Variants in CSMD1 observed in about 807,000 individuals in gnomAD.
CSMD1 encodes the protein CUB and sushi domain-containing protein 1.
In CSMD1, 213 loss-of-function variants were observed where a neutral mutation model predicts 417.5. The observed-to-expected ratio is 0.51, with a 90% confidence interval of 0.46 to 0.57. The LOEUF is 0.57. Among genes scored for constraint, CSMD1 ranks in the 20% least tolerant of loss-of-function variants. CSMD1 has a pLI of 0.00. For synonymous variants in CSMD1, 2,862 were observed against 1,736.8 expected (o/e 1.65, Z -16.11); for missense variants, 6,923 against 4,529.7 (o/e 1.53, Z -15.17).
chr8:4,199,470 A>C (rs1037887667), intron 3 of CSMD1, among the ~76,000 whole-genome samples: 2 of 152,194 alleles, frequency 1.3e-5, no homozygotes, highest in Non-Finnish European at 2.9e-5. Flanking sequence ...AGAAACTCCA[A>C]TTAAAAAGGC....
At chr8:4,253,914 T>C (rs1803259705) in intron 3 of CSMD1, among the ~76,000 whole-genome samples, 1 of 110,050 alleles carries the variant, frequency 9.1e-6, no homozygotes, top group African/African-American at 3.6e-5. Context: ...CATCTTTTTT[T>C]TTTTTTTTTT....
At chr8:3,507,012 A>T (rs1487253418) in intron 10 of CSMD1, among the ~76,000 whole-genome samples, 1 of 152,180 alleles carries the variant, frequency 6.6e-6, no homozygotes, top group Admixed American at 6.5e-5. Flanking sequence ...TTCATACAAG[A>T]TGTTGTAAGA....
intron 2 of CSMD1, among the ~76,000 whole-genome samples, chr8:4,549,675 G>C (rs563933515): frequency 6.6e-6 from 1 of 152,100 alleles, no homozygotes; most frequent in East Asian, 1.9e-4. Context: ...GATCACTTGA[G>C]TTCAGGAGTT....
chr8:3,805,557 G>C (rs911707091), intron 5 of CSMD1, among the ~76,000 whole-genome samples: 1 of 152,078 alleles, frequency 6.6e-6, no homozygotes, highest in Non-Finnish European at 1.5e-5. Context: ...TTTTTTGTTT[G>C]TTTGCAAGAA....
At chr8:3,262,429 C>T (rs1801148038) in intron 26 of CSMD1, among the ~76,000 whole-genome samples, 2 of 150,786 alleles carry the variant, frequency 1.3e-5, no homozygotes, top group African/African-American at 2.4e-5. Flanking sequence ...GGATAATGAC[C>T]ATTCTCTTGG....
intron 5 of CSMD1, among the ~76,000 whole-genome samples, chr8:3,983,053 G>A (rs1020748634): frequency 2.0e-5 from 3 of 151,984 alleles, no homozygotes; most frequent in Non-Finnish European, 4.4e-5. Flanking sequence ...CCCAATCCAA[G>A]TTGGCTGACT....
In CSMD1 at chr8:3,219,404, T is replaced by C. The variant is rs1161740501; in HGVS notation, c.4523A>G (p.Tyr1508Cys). 4.5e-6 allele frequency: 7 copies of C among 1,552,056 alleles called. No individual in the cohort carries two copies. Among genetic ancestry groups the C allele is most frequent in the Non-Finnish European group, 5.2e-6 (6 of 1,149,304 alleles). Residue 1508 changes from tyrosine (Y) to cysteine (C), a missense_variant, in exon 29 of 70, where the codon TAT becomes TGT. Coordinates refer to ENST00000635120, the MANE Select transcript of CSMD1 (RefSeq NM_033225.6). ...GGGGCTGTTGGAATCTTCCCCTTCA[T>C]AGATGTGTAGGAAGTCATAGCTGGG... ...MEPSYDFLHIYEGEDSNSPLI... is the reference protein window; with the variant it reads ...MEPSYDFLHICEGEDSNSPLI...
intron 5 of CSMD1, among the ~76,000 whole-genome samples, chr8:3,953,842 G>T (rs774828971): frequency 6.6e-6 from 1 of 152,174 alleles, no homozygotes; most frequent in African/African-American, 2.4e-5. Context: ...AGTTCCTAGA[G>T]AGCCTAATGT....
At position 4,567,765 on chromosome 8, in the gene CSMD1, T is replaced by C. The variant is rs545822637; in HGVS notation, c.302+69577A>G. Among the ~76,000 whole-genome samples, 10 of 152,282 alleles carry C rather than the reference T, an allele frequency of 6.6e-5. No homozygotes were observed. The South Asian group carries it at 1.9e-3, about 28-fold the overall frequency. On this transcript the variant is annotated intron_variant, in intron 2 of 69. Coordinates refer to ENST00000635120, the MANE Select transcript of CSMD1 (RefSeq NM_033225.6). ...CTACATTGCACTTATATTAAACTATTGCTGGTCATAAAATTATCGTATACC... is the reference window on the plus strand; with the variant it reads ...CTACATTGCACTTATATTAAACTATCGCTGGTCATAAAATTATCGTATACC...
intron 2 of CSMD1, among the ~76,000 whole-genome samples, chr8:4,467,684 T>G (rs1198513548): frequency 6.6e-6 from 1 of 152,164 alleles, no homozygotes; most frequent in South Asian, 2.1e-4. Context: ...AAGGTGCAAA[T>G]AGGGTTGGAC....
intron 5 of CSMD1, among the ~76,000 whole-genome samples, chr8:3,967,589 G>C (rs1020219210): frequency 1.3e-5 from 2 of 152,054 alleles, no homozygotes; most frequent in Non-Finnish European, 2.9e-5. Context: ...TCTGTGTAGA[G>C]TCAGACGGTT....
At chr8:3,751,657 T>A in intron 6 of CSMD1, among the ~76,000 whole-genome samples, 1 of 151,916 alleles carries the variant, frequency 6.6e-6, no homozygotes, top group East Asian at 1.9e-4. Flanking sequence ...ACTTTTAAAA[T>A]CAACGTCTGA....
intron 1 of CSMD1, among the ~76,000 whole-genome samples, chr8:4,993,389 T>TCTGTCTGTCTCCCTCTTTCTCGCC (rs1811581594): frequency 6.6e-6 from 1 of 151,558 alleles, no homozygotes; most frequent in African/African-American, 2.4e-5. Flanking sequence ...TCTCTCTCTC[T>TCTGTCTGTCTCCCTCTTTCTCGCC]CTGTCTCTCT....
chr8:4,720,948 C>G (rs545522126), intron 1 of CSMD1, among the ~76,000 whole-genome samples: 5 of 152,114 alleles, frequency 3.3e-5, no homozygotes, highest in Admixed American at 1.3e-4. Flanking sequence ...TTCACCAGCT[C>G]TTAAGCTTGC....
Position 3,186,646 on chromosome 8 carries a change from C to T in CSMD1, c.5620+1223G>A, listed in dbSNP as rs147964440. 4.1e-3 allele frequency among the ~76,000 whole-genome samples: 629 copies of T among 152,036 alleles called. 3 individuals carry two copies. The highest frequency in any genetic ancestry group is 0.014 in the African/African-American group (582 of 41,428). On this transcript the variant is annotated intron_variant, in intron 36 of 69. Coordinates refer to ENST00000635120, the MANE Select transcript of CSMD1 (RefSeq NM_033225.6). ...TTTAACCTATTGAGTAAAAGTAGAACGGAAATATTTAGGGAAAAAATATCC... is the reference window on the plus strand; with the variant it reads ...TTTAACCTATTGAGTAAAAGTAGAATGGAAATATTTAGGGAAAAAATATCC...
chr8:4,743,203 T>C (rs975132346), intron 1 of CSMD1, among the ~76,000 whole-genome samples: 18 of 152,164 alleles, frequency 1.2e-4, no homozygotes, highest in Non-Finnish European at 2.2e-4. Context: ...AGCCAAACTT[T>C]TGATAGAGGA....
intron 23 of CSMD1, among the ~76,000 whole-genome samples, chr8:3,330,999 C>G (rs925121696): frequency 6.6e-6 from 1 of 151,898 alleles, no homozygotes; most frequent in African/African-American, 2.4e-5. Flanking sequence ...GCCTGTAATC[C>G]CAGGACTTTG....
intron 12 of CSMD1, among the ~76,000 whole-genome samples, chr8:3,458,984 G>A (rs1272844113): frequency 1.3e-5 from 2 of 152,226 alleles, no homozygotes; most frequent in Admixed American, 6.5e-5. Flanking sequence ...CTCTCAAGCT[G>A]GGCCTTGGGG....
Position 2,965,853 on chromosome 8 carries a change from C to G in CSMD1, c.9202G>C (p.Val3068Leu). 1 of 1,609,480 alleles carries G rather than the reference C, an allele frequency of 6.2e-7. No homozygotes were observed. The highest frequency in any genetic ancestry group is 1.1e-5 in the South Asian group (1 of 89,886). The change falls in exon 59 of 70, where the codon GTC becomes CTC. Residue 3068 changes from valine (V) to leucine (L), a missense_variant. Coordinates refer to ENST00000635120, the MANE Select transcript of CSMD1 (RefSeq NM_033225.6). The part of the protein sequence containing the change: ...TVSYQCNPGY[V>L]MEAVTSATIR... ...GTGGCGGATGTGACTGCTTCCATGACATAGCCTGGGTTACACTGATAGCTC... is the reference window on the plus strand; with the variant it reads ...GTGGCGGATGTGACTGCTTCCATGAGATAGCCTGGGTTACACTGATAGCTC...
Sources: gnomAD v4.1 joint callset for allele counts (sites outside exome capture counted in the v4.1 genomes callset) on GRCh38, gnomAD v4.1.1 for gene constraint, MANE v1.5 for transcripts, NCBI Gene and HGNC (gene_info 2026-07-23, HGNC 2026-07-21) for gene names.